The following SEMG2 variants were observed in gnomAD, a reference collection of about 807,000 sequenced individuals.
The protein encoded by SEMG2 is semenogelin 2, also known as semenogelin-2.
SEMG2 carries 3 observed loss-of-function variants against 8.1 expected under a neutral mutation model. The ratio of observed to expected loss-of-function variants is 0.37; its 90% CI spans 0.17 to 0.96. The LOEUF is 0.96. Among genes scored for constraint, SEMG2 ranks in the 40% least tolerant of loss-of-function variants. SEMG2 has a pLI of 0.41. For synonymous variants in SEMG2, 252 were observed against 231.4 expected (o/e 1.09, Z -0.81); for missense variants, 726 against 671.2 (o/e 1.08, Z -0.90).
At chr20:45,223,547 G>C in intron 2 of SEMG2, 122 bp downstream of exon 2, 1 of 514,852 alleles carries the variant, frequency 1.9e-6, no homozygotes, top group Non-Finnish European at 3.4e-6. Flanking sequence ...TACAAGTGGT[G>C]GGAAGATGAA....
At position 45,221,375 on chromosome 20, in the gene SEMG2, G is replaced by A; in HGVS notation, c.-15G>A. 6.2e-7 allele frequency: 1 copy of A among 1,613,328 alleles called. No homozygotes were observed. Among genetic ancestry groups the A allele is most frequent in the Non-Finnish European group, 8.5e-7 (1 of 1,179,362 alleles). ...AGAGATCCGCTCAGTTCTCAGACAA[G>A]ATTTTTCAAGCAAGATGAAGTCCAT... On this transcript the variant is annotated 5_prime_UTR_variant, in exon 1 of 3. Transcript: ENST00000372769.
In SEMG2 at chr20:45,222,333, T is replaced by C; in HGVS notation, c.701T>C (p.Leu234Pro). The stretch of plus-strand genomic sequence containing the variant: ...GTGAGAGAGGAACATTCAAGTAAAC[T>C]ACAAACTTCACTCCATCCTGCACAT... Reference protein sequence around the residue: ...VDVREEHSSKLQTSLHPAHQD... With the variant: ...VDVREEHSSKPQTSLHPAHQD... The change falls in exon 2 of 3, where the codon CTA (leucine) becomes CCA (proline). Residue 234 changes from leucine (L) to proline (P), a missense_variant. Transcript: ENST00000372769. 6.2e-7 allele frequency: 1 copy of C among 1,614,034 alleles called. No individual in the cohort carries two copies. The highest frequency in any genetic ancestry group is 8.5e-7 in the Non-Finnish European group (1 of 1,179,992).
Position 45,222,499 on chromosome 20 carries a change from G to A in SEMG2, c.867G>A (p.Pro289=), listed in dbSNP as rs369755538. 2.0e-5 allele frequency: 33 copies of A among 1,613,402 alleles called. No homozygotes were observed. Among genetic ancestry groups the A allele is most frequent in the Middle Eastern group, 1.6e-4 (1 of 6,082 alleles). ...GGAAGGCACATAAAATATCATACCCGTCTTCACGTACAGAAGAAAGACAAC... is the reference window on the plus strand; with the variant it reads ...GGAAGGCACATAAAATATCATACCCATCTTCACGTACAGAAGAAAGACAAC... ...HGRKAHKISY[P]SSRTEERQLH... Residue 289 remains proline, a synonymous_variant, in exon 2 of 3, where the codon CCG becomes CCA. Coordinates refer to ENST00000372769, the MANE Select transcript of SEMG2 (RefSeq NM_003008.3).
In SEMG2 at chr20:45,221,853, A is replaced by G. The variant is rs371375093; in HGVS notation, c.221A>G (p.Asn74Ser). The G allele has an allele frequency of 1.4e-5, 22 of 1,614,190 alleles. No individual in the cohort carries two copies. Among genetic ancestry groups the G allele is most frequent in the Non-Finnish European group, 1.6e-5 (19 of 1,180,016 alleles). The change falls in exon 2 of 3, where the codon AAT becomes AGT. Residue 74 changes from asparagine (N) to serine (S), a missense_variant. Transcript: ENST00000372769. ...SIQHTYHVDI[N>S]DHDWTRKSQQ... ...CAACACACATATCATGTAGACATCA[A>G]TGATCATGACTGGACCCGAAAAAGT...
chr20:45,222,379 A>G lies in SEMG2; in HGVS notation c.747A>G (p.Gly249=), dbSNP rs1171273641. The G allele has an allele frequency of 1.2e-6, 2 of 1,613,994 alleles. No homozygotes were observed. The highest frequency in any genetic ancestry group is 1.7e-6 in the Non-Finnish European group (2 of 1,180,014). Residue 249 remains glycine (G), a synonymous_variant, in exon 2 of 3, where the codon GGA becomes GGG. Transcript: ENST00000372769. ...CACATCAAGACAGACTCCAACATGG[A>G]CCCAAAGACATTTTTACTACCCAAG... The part of the protein sequence containing the change: ...HPAHQDRLQH[G]PKDIFTTQDE...
Position 45,222,376 on chromosome 20 carries a change from T to C in SEMG2, c.744T>C (p.His248=). Residue 248 remains histidine (H), a synonymous_variant, in exon 2 of 3, where the codon CAT becomes CAC. Coordinates refer to ENST00000372769, the MANE Select transcript of SEMG2 (RefSeq NM_003008.3). The part of the protein sequence containing the change: ...LHPAHQDRLQ[H]GPKDIFTTQD... ...CTGCACATCAAGACAGACTCCAACA[T>C]GGACCCAAAGACATTTTTACTACCC... 6.2e-7 allele frequency: 1 copy of C among 1,614,118 alleles called. No homozygotes were observed. Among genetic ancestry groups the C allele is most frequent in the Admixed American group, 1.7e-5 (1 of 60,026 alleles).
rs118034051 is a variant in SEMG2, at chr20:45,221,380, T to C, written c.-10T>C. The C allele has an allele frequency of 1.7e-5, 27 of 1,613,804 alleles. No individual in the cohort carries two copies. The East Asian group carries it at 6.0e-4, about 36-fold the overall frequency. On this transcript the variant is annotated 5_prime_UTR_variant, in exon 1 of 3. Transcript: ENST00000372769. ...TCCGCTCAGTTCTCAGACAAGATTTTTCAAGCAAGATGAAGTCCATCATCC... is the reference window on the plus strand; with the variant it reads ...TCCGCTCAGTTCTCAGACAAGATTTCTCAAGCAAGATGAAGTCCATCATCC...
At position 45,223,426 on chromosome 20, in the gene SEMG2, G is replaced by A. The variant is rs751888613; in HGVS notation, c.*44+1G>A. 1 of 1,432,044 alleles carries A rather than the reference G, an allele frequency of 7.0e-7. No individual in the cohort carries two copies. The highest frequency in any genetic ancestry group is 9.6e-7 in the Non-Finnish European group (1 of 1,040,142). The allele number at this position is 1,432,044 out of a possible 1,614,324, so 88.7% of individuals were successfully genotyped here. Reference sequence around the variant, plus strand: ...CTTGAAAAGCTGGACCAATAGCAAGGTAAGTTTGCTTTTCTTACCAAATAG... The same window carrying A: ...CTTGAAAAGCTGGACCAATAGCAAGATAAGTTTGCTTTTCTTACCAAATAG... On this transcript the variant is annotated splice_donor_variant, in intron 2 of 2. Coordinates refer to ENST00000372769, the MANE Select transcript of SEMG2 (RefSeq NM_003008.3). LOFTEE classifies it low-confidence loss of function (3UTR_SPLICE).
At chr20:45,223,851 G>A (rs1310065355) in intron 2 of SEMG2, among the ~76,000 whole-genome samples, 1 of 152,036 alleles carries the variant, frequency 6.6e-6, no homozygotes, top group Non-Finnish European at 1.5e-5. Flanking sequence ...GAATGTTCTT[G>A]CATCCCTGTT....
chr20:45,221,495 G>A (rs748080904), intron 1 of SEMG2, 30 bp downstream of exon 1: 52 of 1,611,696 alleles, frequency 3.2e-5, no homozygotes, highest in South Asian at 1.8e-4. Flanking sequence ...CTTGGGGAAA[G>A]CTACTTTAAA....
At position 45,223,363 on chromosome 20, in the gene SEMG2, A is replaced by G. The variant is rs1447934832; in HGVS notation, c.1731A>G (p.Arg577=). The G allele has an allele frequency of 1.2e-6, 2 of 1,612,074 alleles. No individual in the cohort carries two copies. The highest frequency in any genetic ancestry group is 1.1e-5 in the South Asian group (1 of 90,800). ...DHLTQQYNED[R]NPIST ...TGACACAACAATATAATGAAGACAGAAATCCAATATCTACATAGCCCTGTT... is the reference window on the plus strand; with the variant it reads ...TGACACAACAATATAATGAAGACAGGAATCCAATATCTACATAGCCCTGTT... The change falls in exon 2 of 3, where the codon AGA becomes AGG. Residue 577 remains arginine, a synonymous_variant. Transcript: ENST00000372769.
intron 2 of SEMG2, 85 bp downstream of exon 2, chr20:45,223,510 T>C (rs1199875026): frequency 4.9e-6 from 3 of 617,938 alleles, no homozygotes; most frequent in Non-Finnish European, 8.5e-6. Flanking sequence ...CTGATAACCA[T>C]TGTTCACATC....
At position 45,224,407 on chromosome 20, in the gene SEMG2, C is replaced by T. The variant is rs3199992; in HGVS notation, c.*161C>T. On this transcript the variant is annotated 3_prime_UTR_variant, in exon 3 of 3. Coordinates refer to ENST00000372769, the MANE Select transcript of SEMG2 (RefSeq NM_003008.3). The stretch of plus-strand genomic sequence containing the variant: ...CCCATGCTTCCTTGCATTAGGCTTT[C>T]TAAACCCGGAGCCCCTTCAAACTTC... The T allele has an allele frequency of 6.6e-6, 1 of 152,240 alleles. No individual in the cohort carries two copies. Among genetic ancestry groups the T allele is most frequent in the Non-Finnish European group, 1.5e-5 (1 of 68,056 alleles). The allele number at this position is 152,240 out of a possible 1,614,324, so 9.4% of individuals were successfully genotyped here.
At position 45,222,346 on chromosome 20, in the gene SEMG2, C is replaced by G. The variant is rs1984037542; in HGVS notation, c.714C>G (p.Leu238=). The G allele has an allele frequency of 6.2e-7, 1 of 1,614,104 alleles. No homozygotes were observed. The highest frequency in any genetic ancestry group is 8.5e-7 in the Non-Finnish European group (1 of 1,180,004). The part of the protein sequence containing the change: ...EEHSSKLQTS[L]HPAHQDRLQH... ...ATTCAAGTAAACTACAAACTTCACT[C>G]CATCCTGCACATCAAGACAGACTCC... Residue 238 remains leucine, a synonymous_variant, in exon 2 of 3, where the codon CTC becomes CTG. Transcript: ENST00000372769.
At position 45,221,522 on chromosome 20, in the gene SEMG2, A is replaced by T. The variant is rs1218138954; in HGVS notation, c.76+57A>T. ...TACTTTAAAAAAATGGCCTCTAAGG[A>T]TATTCAGGGTGCAAACAGTAACCTG... On this transcript the variant is annotated intron_variant, in intron 1 of 2. Coordinates refer to ENST00000372769, the MANE Select transcript of SEMG2 (RefSeq NM_003008.3). 1.9e-6 allele frequency: 3 copies of T among 1,592,392 alleles called. No individual in the cohort carries two copies. The South Asian group carries it at 3.3e-5, about 18-fold the overall frequency.
At position 45,222,071 on chromosome 20, in the gene SEMG2, G is replaced by A; in HGVS notation, c.439G>A (p.Gly147Arg). The A allele has an allele frequency of 6.2e-7, 1 of 1,614,042 alleles. No individual in the cohort carries two copies. ...GACACAAAATCCTTCTCAAGATCAG[G>A]GGAATAGCCCATCTGGAAAGGGATT... ...HGTQNPSQDQ[G>R]NSPSGKGLSS... The change falls in exon 2 of 3, where the codon GGG becomes AGG. Residue 147 changes from glycine to arginine, a missense_variant. Gly to Arg is a moderately radical substitution (Grantham distance 125). Transcript: ENST00000372769.
Position 45,222,050 on chromosome 20 carries a change from C to T in SEMG2, c.418C>T (p.Gln140Ter), listed in dbSNP as rs761534127. 6.2e-7 allele frequency: 1 copy of T among 1,613,944 alleles called. No homozygotes were observed. The highest frequency in any genetic ancestry group is 8.5e-7 in the Non-Finnish European group (1 of 1,179,980). The part of the protein sequence containing the change: ...HKGGQAHHGT[Q>*]NPSQDQGNSP... The stretch of plus-strand genomic sequence containing the variant: ...AGGAGGCCAAGCTCATCATGGGACA[C>T]AAAATCCTTCTCAAGATCAGGGGAA... The change falls in exon 2 of 3, where the codon CAA becomes TAA. Residue 140 changes from glutamine (Q) to a stop codon, truncating the protein, a stop_gained. Coordinates refer to ENST00000372769, the MANE Select transcript of SEMG2 (RefSeq NM_003008.3). LOFTEE classifies it low-confidence loss of function (END_TRUNC).
Position 45,221,911 on chromosome 20 carries a change from G to A in SEMG2, c.279G>A (p.Ala93=), listed in dbSNP as rs779638348. The A allele has an allele frequency of 4.0e-5, 65 of 1,613,286 alleles. No individual in the cohort carries two copies. Among genetic ancestry groups the A allele is most frequent in the Admixed American group, 1.2e-4 (7 of 59,880 alleles). The change falls in exon 2 of 3, where the codon GCG becomes GCA. Residue 93 remains alanine, a synonymous_variant. Transcript: ENST00000372769. ...QQYDLNALHK[A]TKSKQHLGGS... is the part of the protein sequence containing the mutation. ...ATGATTTGAATGCCCTACATAAGGC[G>A]ACAAAATCAAAACAACACCTAGGTG...
In SEMG2 at chr20:45,222,441, C is replaced by CA. The variant is rs762516610; in HGVS notation, c.815dup (p.Asn272LysfsTer14). 7.1e-5 allele frequency: 114 copies of CA among 1,613,946 alleles called. 1 individual carries two copies. The South Asian group carries it at 1.1e-3, about 15-fold the overall frequency. On this transcript the variant is annotated frameshift_variant, in exon 2 of 3. Coordinates refer to ENST00000372769, the MANE Select transcript of SEMG2 (RefSeq NM_003008.3). LOFTEE classifies it low-confidence loss of function (END_TRUNC). ...GTATATAACAAGAATCAACACCAGA[C>CA]AAAAAATCTCAGTCAAGATCAAGAG... is the stretch of plus-strand genomic sequence containing the variant.
Sources: gnomAD v4.1 joint callset for allele counts (sites outside exome capture counted in the v4.1 genomes callset) on GRCh38, gnomAD v4.1.1 for gene constraint, MANE v1.5 for transcripts, NCBI Gene and HGNC (gene_info 2026-07-23, HGNC 2026-07-21) for gene names.